SERAC1: variants seen among roughly 807,000 people sequenced by gnomAD.
The protein encoded by SERAC1 is protein SERAC1.
Under a neutral mutation model 85.7 loss-of-function variants are expected in SERAC1, and 36 were observed. That is an observed-to-expected ratio of 0.42 (90% CI 0.32 to 0.55). SERAC1 has a LOEUF of 0.55. SERAC1 is among the 20% of genes least tolerant of loss of function. SERAC1 has a pLI of 0.11. For missense variants in SERAC1, 629 were observed against 796.2 expected (o/e 0.79, Z 2.53); for synonymous variants, 242 against 265.3 (o/e 0.91, Z 0.85).
Position 158,148,885 on chromosome 6 carries a change from A to ATC in SERAC1, c.333_334dup (p.Ile112ArgfsTer16). The ATC allele has an allele frequency of 6.2e-7, 1 of 1,612,042 alleles. No homozygotes were observed. The highest frequency in any genetic ancestry group is 1.1e-5 in the South Asian group (1 of 90,392). ...TTTACCAGCAAATGGATTCCGCAGT[A>ATC]TCTTGGCTGATGTTGCCAATACTTT... On this transcript the variant is annotated frameshift_variant, in exon 5 of 17. Coordinates refer to ENST00000647468, the MANE Select transcript of SERAC1 (RefSeq NM_032861.4). LOFTEE classifies it high-confidence loss of function.
chr6:158,114,640 G>C (rs1341729739), intron 15 of SERAC1, 149 bp downstream of exon 15: 18 of 1,144,382 alleles, frequency 1.6e-5, no homozygotes, highest in Non-Finnish European at 1.9e-5. Flanking sequence ...GAAAAATCAA[G>C]CCCAACCCAA....
intron 3 of SERAC1, among the ~76,000 whole-genome samples, chr6:158,153,285 C>G (rs1202849602): frequency 6.6e-6 from 1 of 152,154 alleles, no homozygotes; most frequent in African/African-American, 2.4e-5. Flanking sequence ...AAATGTAGTT[C>G]CCGCACTTAG....
chr6:158,158,382 T>C lies in SERAC1; in HGVS notation c.-1-18A>G, dbSNP rs754926952. 6.4e-7 allele frequency: 1 copy of C among 1,568,428 alleles called. No individual in the cohort carries two copies. Reference sequence around the variant, plus strand: ...GGGACATTCTGTGTAAGTAGAACAATTACAACAAATTTAATTTAGCATCTA... The same window carrying C: ...GGGACATTCTGTGTAAGTAGAACAACTACAACAAATTTAATTTAGCATCTA... On this transcript the variant is annotated intron_variant, in intron 1 of 16. Coordinates refer to ENST00000647468, the MANE Select transcript of SERAC1 (RefSeq NM_032861.4).
At chr6:158,163,869 T>G (rs748449122) in intron 1 of SERAC1, among the ~76,000 whole-genome samples, 10 of 151,946 alleles carry the variant, frequency 6.6e-5, no homozygotes, top group Admixed American at 6.6e-4. Flanking sequence ...CCCAAGTAGC[T>G]GGGATTACAG....
rs745780427 is a variant in SERAC1, at chr6:158,111,492, A to G, written c.1839T>C (p.Ile613=). 3 of 1,592,896 alleles carry G rather than the reference A, an allele frequency of 1.9e-6. No individual in the cohort carries two copies. Among genetic ancestry groups the G allele is most frequent in the Non-Finnish European group, 1.7e-6 (2 of 1,173,442 alleles). ...TAACATCCACAGGAATTAGATCTCC[A>G]ATGCCTAAATCTGAAGAAAATAAAA... is the stretch of plus-strand genomic sequence containing the variant. ...VVPVESADLG[I]GDLIPVDVNH... is the part of the protein sequence containing the mutation. Residue 613 remains isoleucine (I), a synonymous_variant, in exon 17 of 17, where the codon ATT becomes ATC. Transcript: ENST00000647468.
At chr6:158,157,244 A>G (rs1198830184) in intron 2 of SERAC1, among the ~76,000 whole-genome samples, 1 of 151,878 alleles carries the variant, frequency 6.6e-6, no homozygotes, top group African/African-American at 2.4e-5. Context: ...TGATCCACCC[A>G]CCTCAGCCTC....
chr6:158,114,626 C>CAAAG (rs1171111648), intron 15 of SERAC1, 163 bp downstream of exon 15: 1 of 1,308,840 alleles, frequency 7.6e-7, no homozygotes, highest in East Asian at 3.0e-5. Flanking sequence ...GAGAAATTAT[C>CAAAG]AAAGAAAAAT....
At chr6:158,112,943 A>G (rs965254904) in intron 16 of SERAC1, 3 of 154,738 alleles carry the variant, frequency 1.9e-5, no homozygotes, top group African/African-American at 7.3e-5. Context: ...GACACTAGAG[A>G]GCAAGCACTG....
At chr6:158,146,603 G>T (rs1583594699) in intron 6 of SERAC1, 179 bp downstream of exon 6, 2 of 574,812 alleles carry the variant, frequency 3.5e-6, no homozygotes, top group Non-Finnish European at 5.8e-6. Flanking sequence ...TAGAGACGGG[G>T]TTTCACCATG....
At chr6:158,136,782 C>G (rs117986388) in intron 8 of SERAC1, among the ~76,000 whole-genome samples, 1 of 152,154 alleles carries the variant, frequency 6.6e-6, no homozygotes. Flanking sequence ...TCTCTCCACC[C>G]ACCATGTCAG....
intron 5 of SERAC1, among the ~76,000 whole-genome samples, chr6:158,147,642 C>T (rs1379455764): frequency 1.6e-3 from 235 of 149,500 alleles, no homozygotes; most frequent in Non-Finnish European, 2.7e-3. Context: ...TGGTGGCGGG[C>T]GCCTGCAGTC....
chr6:158,133,854 A>G (rs1314805791), intron 8 of SERAC1, among the ~76,000 whole-genome samples: 17 of 152,140 alleles, frequency 1.1e-4, no homozygotes, highest in Non-Finnish European at 1.5e-5. Flanking sequence ...CTTGGATGGA[A>G]AAAAAAATTA....
intron 1 of SERAC1, among the ~76,000 whole-genome samples, chr6:158,159,878 G>A (rs111487566): frequency 0.014 from 2,129 of 152,184 alleles, 18 homozygotes; most frequent in South Asian, 0.028. Flanking sequence ...CACCCGCCTC[G>A]GCCTCCCGAA....
chr6:158,143,143 GGA>G lies in SERAC1; in HGVS notation c.649_650del (p.Ser217LeufsTer8). 1 of 1,613,662 alleles carries G rather than the reference GGA, an allele frequency of 6.2e-7. No individual in the cohort carries two copies. The highest frequency in any genetic ancestry group is 8.5e-7 in the Non-Finnish European group (1 of 1,179,744). Reference sequence around the variant, plus strand: ...ACTCATCTAGCTCTGTTTGAGGTAAGGAAGCCAGCAACTGTCTGAGCTCTTCT... The same window carrying G: ...ACTCATCTAGCTCTGTTTGAGGTAAGAGCCAGCAACTGTCTGAGCTCTTCT... Reference protein sequence around the residue: ...TEEELRQLLASLPQTELDECI... With the variant: ...TEEELRQLLAXLPQTELDECI... On this transcript the variant is annotated frameshift_variant, in exon 8 of 17. Transcript: ENST00000647468. LOFTEE classifies it high-confidence loss of function.
Position 158,120,972 on chromosome 6 carries a change from C to A in SERAC1, c.1016-397G>T, listed in dbSNP as rs1365212150. Among the ~76,000 whole-genome samples, 2 of 152,148 alleles carry A rather than the reference C, an allele frequency of 1.3e-5. No homozygotes were observed. The highest frequency in any genetic ancestry group is 6.5e-5 in the Admixed American group (1 of 15,272). ...ATACTAGTTATTTCATCCTGACCAG[C>A]AATCAGTAATACCCTTTCATACAAA... On this transcript the variant is annotated intron_variant, in intron 10 of 16. Transcript: ENST00000647468. This position sits in a 1 kb window ranked among gnomAD's most constrained non-coding sequence, Gnocchi z 4.4.
intron 7 of SERAC1, among the ~76,000 whole-genome samples, chr6:158,144,046 T>G (rs963121005): frequency 2.0e-5 from 3 of 152,186 alleles, no homozygotes; most frequent in Admixed American, 2.0e-4. Context: ...GATGCTGATA[T>G]GCTATGGCAT....
intron 1 of SERAC1, chr6:158,158,625 A>G (rs962134591): frequency 1.5e-4 from 45 of 309,562 alleles, no homozygotes; most frequent in Non-Finnish European, 2.2e-4. Context: ...AATTGGAAAG[A>G]TGATCTAAAT....
chr6:158,154,159 C>CAAAAAAAAAAAAAAAAAAAAA (rs3041474), intron 3 of SERAC1, among the ~76,000 whole-genome samples: 1 of 66,056 alleles, frequency 1.5e-5, no homozygotes, highest in Non-Finnish European at 2.9e-5. Flanking sequence ...AACTCTGTCT[C>CAAAAAAAAAAAAAAAAAAAAA]AAAAAAAAAA....
chr6:158,165,610 C>T (rs1274839302), intron 1 of SERAC1, among the ~76,000 whole-genome samples: 1 of 152,136 alleles, frequency 6.6e-6, no homozygotes, highest in Non-Finnish European at 1.5e-5. Context: ...ACTTTTTCTC[C>T]CCAAACTCTT....
Sources: gnomAD v4.1 joint callset for allele counts (sites outside exome capture counted in the v4.1 genomes callset) on GRCh38, gnomAD v4.1.1 for gene constraint, Gnocchi (gnomAD v3.1) non-coding constraint, MANE v1.5 for transcripts, NCBI Gene and HGNC (gene_info 2026-07-23, HGNC 2026-07-21) for gene names.